HERC1: variants seen among roughly 807,000 people sequenced by gnomAD.
The protein encoded by HERC1 is probable E3 ubiquitin-protein ligase HERC1.
In HERC1, 160 loss-of-function variants were observed where a neutral mutation model predicts 554.3. That is an observed-to-expected ratio of 0.29 (90% CI 0.25 to 0.33). The LOEUF is 0.33. Among genes scored for constraint, HERC1 ranks in the 10% least tolerant of loss-of-function variants. The pLI is 1.00. For synonymous variants in HERC1, 2,175 were observed against 2,131.7 expected (o/e 1.02, Z -0.56); for missense variants, 4,919 against 5,918.5 (o/e 0.83, Z 5.54).
In HERC1 at chr15:63,638,599, G is replaced by A. The variant is rs80088271; in HGVS notation, c.11968-63C>T. On this transcript the variant is annotated intron_variant, in intron 62 of 77. Transcript: ENST00000443617. Reference sequence around the variant, plus strand: ...ATTCACTCAAACAGCCATGTACTACGTACCAAGTGTGTGCCAGCCTGTATG... The same window carrying A: ...ATTCACTCAAACAGCCATGTACTACATACCAAGTGTGTGCCAGCCTGTATG... 0.07 allele frequency: 112,271 copies of A among 1,608,906 alleles called. 4,370 individuals are homozygous for A. Among genetic ancestry groups the A allele is most frequent in the Non-Finnish European group, 0.078 (91,293 of 1,175,682 alleles).
intron 24 of HERC1, among the ~76,000 whole-genome samples, chr15:63,707,924 C>T (rs1209661320): frequency 2.4e-4 from 24 of 99,930 alleles, no homozygotes; most frequent in Non-Finnish European, 3.3e-4. Flanking sequence ...GCAAGACTCC[C>T]TCTCAAAAAA....
chr15:63,680,201 AAATTTTTTTAATTCAC>A lies in HERC1; in HGVS notation c.6466-57_6466-42del. ...AGTGAGGAAAAGAAAAAGGAAATAG[AAATTTTTTTAATTCAC>A]AATATCTAACCACATTAGAATTGAA... On this transcript the variant is annotated intron_variant, in intron 35 of 77. Coordinates refer to ENST00000443617, the MANE Select transcript of HERC1 (RefSeq NM_003922.4). This position sits in a 1 kb window ranked among gnomAD's most constrained non-coding sequence, Gnocchi z 5.8. The A allele has an allele frequency of 6.7e-7, 1 of 1,485,550 alleles. No individual in the cohort carries two copies. Among genetic ancestry groups the A allele is most frequent in the East Asian group, 2.3e-5 (1 of 44,200 alleles). 92.0% of individuals were successfully genotyped at this position (1,485,550 alleles called of 1,614,324 possible).
chr15:63,709,043 G>A (rs2073158126), intron 24 of HERC1, among the ~76,000 whole-genome samples: 1 of 152,204 alleles, frequency 6.6e-6, no homozygotes, highest in Non-Finnish European at 1.5e-5. Context: ...AGGCTGGAGT[G>A]CAGTGGCGCC....
At chr15:63,625,480 G>T (rs1346994354) in intron 71 of HERC1, among the ~76,000 whole-genome samples, 1 of 152,020 alleles carries the variant, frequency 6.6e-6, no homozygotes, top group East Asian at 1.9e-4. Context: ...GATCATTTGA[G>T]GTCAGGAGTT....
At chr15:63,716,505 A>C (rs755432380) in intron 21 of HERC1, 32 bp from the exon 22 acceptor site, 2 of 1,513,362 alleles carry the variant, frequency 1.3e-6, no homozygotes, top group South Asian at 1.3e-5. Context: ...TACACTAAAT[A>C]CATTTTTTCC....
At chr15:63,730,955 GTGAC>G (rs1338243719) in intron 14 of HERC1, among the ~76,000 whole-genome samples, 2 of 152,178 alleles carry the variant, frequency 1.3e-5, no homozygotes, top group African/African-American at 4.8e-5. Flanking sequence ...CTCAAAGAAA[GTGAC>G]TGCTACTATA....
intron 21 of HERC1, among the ~76,000 whole-genome samples, 154 bp from the exon 22 acceptor site, chr15:63,716,627 A>C (rs1192127084): frequency 6.6e-6 from 1 of 152,232 alleles, no homozygotes; most frequent in Non-Finnish European, 1.5e-5. Context: ...TACACTAGAT[A>C]AATCTTATAG....
At chr15:63,662,212 T>TCA (rs2152932674) in intron 44 of HERC1, among the ~76,000 whole-genome samples, 191 bp from the exon 45 acceptor site, 1 of 152,254 alleles carries the variant, frequency 6.6e-6, no homozygotes, top group South Asian at 2.1e-4. Context: ...TTCTTTGCCC[T>TCA]CTCTCACTCT....
chr15:63,739,354 C>T lies in HERC1; in HGVS notation c.2521-4505G>A, dbSNP rs549947175. Among the ~76,000 whole-genome samples the T allele has an allele frequency of 1.3e-4, 19 of 151,878 alleles. No homozygotes were observed. The South Asian group carries it at 3.3e-3, about 27-fold the overall frequency. The stretch of plus-strand genomic sequence containing the variant: ...CTAGGACTACAAGCACACGCCACAA[C>T]GCCAGGCTAATTTTTGTATTTTTAG... On this transcript the variant is annotated intron_variant, in intron 12 of 77. Coordinates refer to ENST00000443617, the MANE Select transcript of HERC1 (RefSeq NM_003922.4).
At chr15:63,772,907 G>A (rs1567110774) in intron 2 of HERC1, among the ~76,000 whole-genome samples, 1 of 152,112 alleles carries the variant, frequency 6.6e-6, no homozygotes, top group Non-Finnish European at 1.5e-5. Context: ...TGTAAAACAT[G>A]ACCCAATATT....
Position 63,826,822 on chromosome 15 carries a change from T to A in HERC1, c.-27+7005A>T, listed in dbSNP as rs1437596747. On this transcript the variant is annotated intron_variant, in intron 1 of 77. Transcript: ENST00000443617. ...AAAAAAAAAAAAAAAAAAATATATATATATATATATATATATATATAAAGT... is the reference window on the plus strand; with the variant it reads ...AAAAAAAAAAAAAAAAAAATATATAAATATATATATATATATATATAAAGT... Among the ~76,000 whole-genome samples, 25 of 95,590 alleles carry A rather than the reference T, an allele frequency of 2.6e-4. 1 individual carries two copies. Among genetic ancestry groups the A allele is most frequent in the South Asian group, 9.5e-4 (3 of 3,164 alleles). The allele number at this position is 95,590 out of a possible 152,430, so 62.7% of individuals were successfully genotyped here. A position where few individuals can be genotyped will look rare whatever the true frequency, so the allele number is the denominator to read the frequency against.
chr15:63,655,707 T>C (rs1046778314), intron 50 of HERC1, 35 bp downstream of exon 50: 2 of 1,352,494 alleles, frequency 1.5e-6, no homozygotes, highest in Non-Finnish European at 2.0e-6. Context: ...AGAAGTCGAT[T>C]AGAAGACTGT....
At chr15:63,638,869 T>A in intron 61 of HERC1, 93 bp from the exon 62 acceptor site, 1 of 867,742 alleles carries the variant, frequency 1.2e-6, no homozygotes. Flanking sequence ...TTAAGTCTTA[T>A]TTCCAAAAAA....
intron 1 of HERC1, among the ~76,000 whole-genome samples, chr15:63,825,169 T>C (rs1403100766): frequency 6.6e-6 from 1 of 151,912 alleles, no homozygotes; most frequent in Non-Finnish European, 1.5e-5. Flanking sequence ...ATTAGCCAGG[T>C]GTGGCAGCAC....
chr15:63,657,614 CAG>C (rs1263119185), intron 48 of HERC1, among the ~76,000 whole-genome samples: 1 of 152,070 alleles, frequency 6.6e-6, no homozygotes, highest in African/African-American at 2.4e-5. Flanking sequence ...TTTTGCTAAA[CAG>C]AGGTTTTCTA....
intron 18 of HERC1, 89 bp from the exon 19 acceptor site, chr15:63,723,444 A>G: frequency 1.1e-6 from 1 of 931,212 alleles, no homozygotes; most frequent in Non-Finnish European, 1.6e-6. Context: ...ATGATTATGA[A>G]ATGATAAACT....
intron 60 of HERC1, among the ~76,000 whole-genome samples, chr15:63,640,768 T>G (rs184435961): frequency 6.1e-4 from 93 of 152,318 alleles, no homozygotes; most frequent in African/African-American, 2.1e-3. Context: ...ATACTCCTTT[T>G]CTGCTCCAGG....
At chr15:63,731,541 T>C (rs981366480) in intron 14 of HERC1, among the ~76,000 whole-genome samples, 1 of 152,222 alleles carries the variant, frequency 6.6e-6, no homozygotes, top group East Asian at 1.9e-4. Flanking sequence ...ATTGTTCTTA[T>C]CCATTTGCAG....
intron 17 of HERC1, among the ~76,000 whole-genome samples, chr15:63,726,595 A>G (rs1277354497): frequency 6.6e-6 from 1 of 152,192 alleles, no homozygotes; most frequent in African/African-American, 2.4e-5. Context: ...AACCAACAAA[A>G]TAACATTCCT....
Sources: allele counts gnomAD v4.1 joint callset (sites outside exome capture counted in the v4.1 genomes callset), GRCh38; gene constraint gnomAD v4.1.1; non-coding constraint Gnocchi (gnomAD v3.1); transcripts MANE v1.5; gene names NCBI Gene and HGNC (gene_info 2026-07-23, HGNC 2026-07-21).